The following LMAN2L variants were observed in gnomAD, a reference collection of about 807,000 sequenced individuals.
The protein encoded by LMAN2L is lectin, mannose binding 2 like, also known as VIP36-like protein.
Under a neutral mutation model 44.3 loss-of-function variants are expected in LMAN2L, and 30 were observed. The ratio of observed to expected loss-of-function variants is 0.68; its 90% CI spans 0.51 to 0.92. The LOEUF (loss-of-function observed/expected upper bound fraction) is 0.92. LMAN2L is among the 40% of genes least tolerant of loss of function. LMAN2L has a pLI of 0.00. For missense variants in LMAN2L, 429 were observed against 446.1 expected, an observed-to-expected ratio of 0.96 and a Z score of 0.35; for synonymous variants, 183 against 171.1, an observed-to-expected ratio of 1.07 and a Z score of -0.54.
At chr2:96,737,220 A>G in intron 2 of LMAN2L, 1 of 444,794 alleles carries the variant, frequency 2.2e-6, no homozygotes, top group Non-Finnish European at 4.5e-6. Context: ...CAATGCAGCT[A>G]GAAAAGGTCC....
intron 4 of LMAN2L, among the ~76,000 whole-genome samples, chr2:96,719,203 T>C (rs980174485): frequency 1.3e-5 from 2 of 152,134 alleles, no homozygotes; most frequent in African/African-American, 4.8e-5. Flanking sequence ...GAACAGGAGA[T>C]CTTCAGATCT....
chr2:96,732,343 C>T (rs1245316601), intron 4 of LMAN2L, among the ~76,000 whole-genome samples: 4 of 151,800 alleles, frequency 2.6e-5, no homozygotes, highest in African/African-American at 9.7e-5. Context: ...TACAAACCCA[C>T]TGTCAATATA....
chr2:96,737,933 G>A lies in LMAN2L; in HGVS notation c.306+16C>T. The A allele has an allele frequency of 6.4e-7, 1 of 1,552,062 alleles. No homozygotes were observed. On this transcript the variant is annotated intron_variant, in intron 2 of 7. Transcript: ENST00000264963. ...CCTTTCTGGGTCACCAACACAGGAG[G>A]GAGAAAGATTCTTACCACCCGGTTC...
intron 3 of LMAN2L, 151 bp downstream of exon 3, chr2:96,734,258 G>A (rs550741154): frequency 2.0e-5 from 13 of 666,116 alleles, no homozygotes; most frequent in Admixed American, 6.9e-5. Context: ...ACTCAGACCC[G>A]TTCTAGAGAC....
chr2:96,707,225 A>C lies in LMAN2L; in HGVS notation c.*31T>G, dbSNP rs748668336. 6.2e-7 allele frequency: 1 copy of C among 1,609,730 alleles called. No individual in the cohort carries two copies. Among genetic ancestry groups the C allele is most frequent in the East Asian group, 2.2e-5 (1 of 44,840 alleles). On this transcript the variant is annotated 3_prime_UTR_variant, in exon 8 of 8. Transcript: ENST00000264963. ...CTGCTCCTTCCATACCTCATGGGTG[A>C]CAGTCACAAAAGTGGTGGCAGCAGG...
In LMAN2L at chr2:96,711,978, G is replaced by A; in HGVS notation, c.555C>T (p.Ser185=). The change falls in exon 5 of 8, where the codon AGC becomes AGT. Residue 185 remains serine, a synonymous_variant. Coordinates refer to ENST00000264963, the MANE Select transcript of LMAN2L (RefSeq NM_030805.4). ...ISAMVNNGSL[S]YDHERDGRPT... Reference sequence around the variant, plus strand: ...GCCGCCCATCCCGCTCATGATCATAGCTGAGGGAGCCGTTGTTCACCATGG... The same window carrying A: ...GCCGCCCATCCCGCTCATGATCATAACTGAGGGAGCCGTTGTTCACCATGG... The A allele has an allele frequency of 6.2e-7, 1 of 1,614,184 alleles. No individual in the cohort carries two copies. Among genetic ancestry groups the A allele is most frequent in the Non-Finnish European group, 8.5e-7 (1 of 1,180,032 alleles).
intron 4 of LMAN2L, among the ~76,000 whole-genome samples, chr2:96,718,328 A>T (rs1423222532): frequency 2.0e-5 from 3 of 152,268 alleles, no homozygotes; most frequent in Non-Finnish European, 4.4e-5. Flanking sequence ...TCTAGTATTT[A>T]CCATACAATT....
At position 96,707,224 on chromosome 2, in the gene LMAN2L, G is replaced by A; in HGVS notation, c.*32C>T. 6.2e-7 allele frequency: 1 copy of A among 1,609,146 alleles called. No individual in the cohort carries two copies. Among genetic ancestry groups the A allele is most frequent in the Non-Finnish European group, 8.5e-7 (1 of 1,176,520 alleles). Reference sequence around the variant, plus strand: ...CCTGCTCCTTCCATACCTCATGGGTGACAGTCACAAAAGTGGTGGCAGCAG... The same window carrying A: ...CCTGCTCCTTCCATACCTCATGGGTAACAGTCACAAAAGTGGTGGCAGCAG... On this transcript the variant is annotated 3_prime_UTR_variant, in exon 8 of 8. Coordinates refer to ENST00000264963, the MANE Select transcript of LMAN2L (RefSeq NM_030805.4).
intron 4 of LMAN2L, among the ~76,000 whole-genome samples, chr2:96,722,590 G>T (rs940279330): frequency 5.3e-5 from 8 of 152,176 alleles, no homozygotes; most frequent in Non-Finnish European, 1.0e-4. Context: ...TGCTTCACTT[G>T]CTCGCCCACC....
In LMAN2L at chr2:96,713,047, C is replaced by T. The variant is rs765783035; in HGVS notation, c.508-1022G>A. On this transcript the variant is annotated intron_variant, in intron 4 of 7. Transcript: ENST00000264963. The stretch of plus-strand genomic sequence containing the variant: ...CAACCACATGGACTTGAAACAGCAA[C>T]AAATGTTGGATGGACACATGGGAAT... The T allele has an allele frequency of 2.8e-5, 41 of 1,460,074 alleles. No homozygotes were observed. The East Asian group carries it at 4.9e-4, about 18-fold the overall frequency. 90.4% of individuals were successfully genotyped at this position (1,460,074 alleles called of 1,614,324 possible). A position where few individuals can be genotyped will look rare whatever the true frequency, so the allele number is the denominator to read the frequency against.
intron 4 of LMAN2L, among the ~76,000 whole-genome samples, chr2:96,716,774 T>C (rs1021713968): frequency 6.6e-6 from 1 of 152,232 alleles, no homozygotes; most frequent in Non-Finnish European, 1.5e-5. Context: ...GTATTCTGGC[T>C]CCAGAGCCCT....
chr2:96,732,328 G>T (rs971283511), intron 4 of LMAN2L, among the ~76,000 whole-genome samples: 3 of 151,836 alleles, frequency 2.0e-5, no homozygotes, highest in Admixed American at 1.3e-4. Flanking sequence ...AGGACATAGA[G>T]AGAGTACAAA....
chr2:96,736,975 C>T (rs1039191894), intron 2 of LMAN2L, among the ~76,000 whole-genome samples: 3 of 152,162 alleles, frequency 2.0e-5, no homozygotes, highest in Non-Finnish European at 4.4e-5. Context: ...TTCTGAGATT[C>T]GCTTATCTAC....
chr2:96,727,514 C>A (rs1574019689), intron 4 of LMAN2L, among the ~76,000 whole-genome samples: 1 of 152,242 alleles, frequency 6.6e-6, no homozygotes, highest in East Asian at 1.9e-4. Flanking sequence ...TGCCTGTGGT[C>A]CCAGCTACTG....
intron 1 of LMAN2L, 110 bp from the exon 2 acceptor site, chr2:96,738,177 T>C (rs2078556445): frequency 1.5e-6 from 1 of 684,920 alleles, no homozygotes; most frequent in African/African-American, 1.8e-5. Context: ...CCCTTTAATG[T>C]CACTCAATCT....
chr2:96,727,948 T>C (rs963349980), intron 4 of LMAN2L, among the ~76,000 whole-genome samples: 2 of 152,232 alleles, frequency 1.3e-5, no homozygotes, highest in African/African-American at 4.8e-5. Flanking sequence ...CCTTTCTACA[T>C]GCACTTCAGT....
chr2:96,738,079 A>G lies in LMAN2L; in HGVS notation c.188-12T>C. 3 of 1,582,242 alleles carry G rather than the reference A, an allele frequency of 1.9e-6. No homozygotes were observed. Among genetic ancestry groups the G allele is most frequent in the Non-Finnish European group, 2.6e-6 (3 of 1,151,076 alleles). The stretch of plus-strand genomic sequence containing the variant: ...GCCTGTGCCCACACCTACAGGAAGG[A>G]AGTAGATCAGTTCATACTTTTCAAC... On this transcript the variant is annotated splice_polypyrimidine_tract_variant and intron_variant, in intron 1 of 7. Transcript: ENST00000264963.
chr2:96,725,031 C>T (rs2078239221), intron 4 of LMAN2L, among the ~76,000 whole-genome samples: 1 of 151,964 alleles, frequency 6.6e-6, no homozygotes, highest in Non-Finnish European at 1.5e-5. Flanking sequence ...CGGGGTTTCA[C>T]CGTGTTACCC....
rs775744816 is a variant in LMAN2L at position 96,711,904 on chromosome 2, T to C, written c.629A>G (p.Asp210Gly). 1.2e-6 allele frequency: 2 copies of C among 1,614,070 alleles called. No homozygotes were observed. Among genetic ancestry groups the C allele is most frequent in the South Asian group, 2.2e-5 (2 of 91,084 alleles). ...GACGTAGCGAATCACCAGGAAGGTG[T>C]CGTAATGAAGATTGCGGACAATGGC... ...CTAIVRNLHY[D>G]TFLVIRYVKR... The change falls in exon 5 of 8, where the codon GAC becomes GGC. Residue 210 changes from aspartate (D) to glycine (G), a missense_variant. Transcript: ENST00000264963.
Sources: allele counts gnomAD v4.1 joint callset (sites outside exome capture counted in the v4.1 genomes callset), GRCh38; gene constraint gnomAD v4.1.1; transcripts MANE v1.5; gene names NCBI Gene and HGNC (gene_info 2026-07-23, HGNC 2026-07-21).